The following CRB1 variants were observed in gnomAD, a reference collection of about 807,000 sequenced individuals.
The protein encoded by CRB1 is protein crumbs homolog 1.
Under a neutral mutation model 120.0 loss-of-function variants are expected in CRB1, and 83 were observed. The observed-to-expected ratio is 0.69, with a 90% CI of 0.58 to 0.83. The LOEUF (loss-of-function observed/expected upper bound fraction) is 0.83. Ranked by LOEUF, CRB1 falls within the 40% of genes least tolerant of loss-of-function variation. The pLI, the probability that CRB1 is intolerant of heterozygous loss-of-function variation, is 0.00. For missense variants in CRB1, 1,699 were observed against 1,687.6 expected, an observed-to-expected ratio of 1.01 and a Z score of -0.12; for synonymous variants, 625 against 612.5, an observed-to-expected ratio of 1.02 and a Z score of -0.30.
At chr1:197,450,784 C>CAAAAAAAAAAA (rs71131758) in intron 11 of CRB1, among the ~76,000 whole-genome samples, 3 of 59,624 alleles carry the variant, frequency 5.0e-5, no homozygotes, top group African/African-American at 8.5e-5. Flanking sequence ...ACTAAAAATA[C>CAAAAAAAAAAA]AAAAAAAAAA....
At position 197,328,959 on chromosome 1, in the gene CRB1, A is replaced by T. The variant is rs751375346; in HGVS notation, c.608A>T (p.Asn203Ile). 2 of 1,614,010 alleles carry T rather than the reference A, an allele frequency of 1.2e-6. No individual in the cohort carries two copies. Among genetic ancestry groups the T allele is most frequent in the South Asian group, 1.1e-5 (1 of 91,090 alleles). Residue 203 changes from asparagine to isoleucine, a missense_variant, in exon 2 of 12, where the codon AAT (asparagine) becomes ATT (isoleucine). Asn to Ile is a moderately radical substitution (Grantham distance 149). Coordinates refer to ENST00000367400, the MANE Select transcript of CRB1 (RefSeq NM_201253.3). ...DPCKNEATCL[N>I]EIGRYTCICP... ...TGCAAGAACGAGGCTACATGCCTCA[A>T]TGAAATAGGAAGATATACTTGTATC...
At chr1:197,365,773 C>T (rs1661039488) in intron 5 of CRB1, among the ~76,000 whole-genome samples, 22 of 151,898 alleles carry the variant, frequency 1.4e-4, no homozygotes, top group Admixed American at 6.6e-5. Flanking sequence ...CTGTTGCTGA[C>T]CGGGGATCAG....
upstream of CRB1, among the ~76,000 whole-genome samples, chr1:197,267,880 A>G (rs960781371): frequency 6.6e-6 from 1 of 152,158 alleles, no homozygotes. Context: ...GTCTTGGCCC[A>G]ACTTACAAAC....
intron 11 of CRB1, among the ~76,000 whole-genome samples, chr1:197,452,947 G>C (rs1248997905): frequency 6.6e-6 from 1 of 152,012 alleles, no homozygotes; most frequent in Non-Finnish European, 1.5e-5. Flanking sequence ...ATTCATTTCA[G>C]CATTATTCAT....
chr1:197,282,568 G>A (rs1458190520), intron 1 of CRB1, among the ~76,000 whole-genome samples: 2 of 151,834 alleles, frequency 1.3e-5, no homozygotes, highest in African/African-American at 4.8e-5. Flanking sequence ...AACATAAATT[G>A]TGTTGCTTTG....
the CRB1 span, among the ~76,000 whole-genome samples, chr1:197,257,655 A>G: frequency 6.6e-6 from 1 of 152,184 alleles, no homozygotes; most frequent in Admixed American, 6.6e-5. Flanking sequence ...CACTGTCTGA[A>G]TTCAACCCCA....
At chr1:197,471,371 T>C (rs1173555791) in intron 11 of CRB1, among the ~76,000 whole-genome samples, 2 of 152,182 alleles carry the variant, frequency 1.3e-5, no homozygotes, top group African/African-American at 4.8e-5. Context: ...TAGCTCACCA[T>C]TGTTCTGTTC....
At chr1:197,343,144 GTGT>G (rs1219856358) in intron 2 of CRB1, among the ~76,000 whole-genome samples, 1 of 152,122 alleles carries the variant, frequency 6.6e-6, no homozygotes, top group African/African-American at 2.4e-5. Flanking sequence ...ATAATAGATG[GTGT>G]TAGAATATCC....
chr1:197,236,366 A>C, the CRB1 span, among the ~76,000 whole-genome samples: 1 of 151,606 alleles, frequency 6.6e-6, no homozygotes, highest in African/African-American at 2.4e-5. Flanking sequence ...TGCTCAGCTA[A>C]TTTTTTGTAT....
intron 5 of CRB1, among the ~76,000 whole-genome samples, chr1:197,419,021 A>G (rs982045157): frequency 1.3e-5 from 2 of 152,234 alleles, no homozygotes; most frequent in Non-Finnish European, 2.9e-5. Context: ...AGTATTGGCC[A>G]AAACTTATTG....
Position 197,290,265 on chromosome 1 carries a change from CGTGTGTGTGTGT to C in CRB1, c.70+21812_70+21823del, listed in dbSNP as rs10540136. On this transcript the variant is annotated intron_variant, in intron 1 of 11. Coordinates refer to ENST00000367400, the MANE Select transcript of CRB1 (RefSeq NM_201253.3). ...AAAATCAGTTTTTTATGTTCCCTTT[CGTGTGTGTGTGT>C]GTGTGTGTGTGTGTGTGTGTGTGTG... is the stretch of plus-strand genomic sequence containing the variant. Among the ~76,000 whole-genome samples the C allele has an allele frequency of 6.8e-4, 93 of 136,982 alleles. 1 individual carries two copies. The highest frequency in any genetic ancestry group is 8.0e-4 in the African/African-American group (29 of 36,278). The allele number at this position is 136,982 out of a possible 152,430, so 89.9% of individuals were successfully genotyped here. A position where few individuals can be genotyped will look rare whatever the true frequency, so the allele number is the denominator to read the frequency against.
At chr1:197,426,135 A>G (rs1321531775) in intron 6 of CRB1, among the ~76,000 whole-genome samples, 2 of 151,954 alleles carry the variant, frequency 1.3e-5, no homozygotes, top group Non-Finnish European at 2.9e-5. Context: ...CCATGCTTCC[A>G]GTTGCTTAGG....
chr1:197,233,135 A>C, the CRB1 span, among the ~76,000 whole-genome samples: 1 of 152,164 alleles, frequency 6.6e-6, no homozygotes, highest in Non-Finnish European at 1.5e-5. Context: ...TGGCCAAGAT[A>C]GTAAATCAAA....
At chr1:197,391,365 G>A (rs575428862) in intron 5 of CRB1, among the ~76,000 whole-genome samples, 4 of 152,222 alleles carry the variant, frequency 2.6e-5, no homozygotes, top group African/African-American at 9.6e-5. Flanking sequence ...AGAGTCTATA[G>A]CTAGACAGAG....
chr1:197,385,850 A>G (rs1044127864), intron 5 of CRB1, among the ~76,000 whole-genome samples: 2 of 152,098 alleles, frequency 1.3e-5, no homozygotes, highest in Admixed American at 1.3e-4. Context: ...GATAGAGAAC[A>G]GTTCAGAGCT....
chr1:197,300,763 A>G (rs919909831), intron 1 of CRB1, among the ~76,000 whole-genome samples: 1 of 152,200 alleles, frequency 6.6e-6, no homozygotes, highest in Non-Finnish European at 1.5e-5. Flanking sequence ...TAGGACTTTC[A>G]TAGCTAGAAA....
chr1:197,461,540 T>C (rs965675078), intron 11 of CRB1, among the ~76,000 whole-genome samples: 2 of 152,166 alleles, frequency 1.3e-5, no homozygotes, highest in African/African-American at 4.8e-5. Flanking sequence ...AAGAGTAGGC[T>C]GCATCCTGTG....
chr1:197,405,551 G>A (rs1663318478), intron 5 of CRB1, among the ~76,000 whole-genome samples: 1 of 152,064 alleles, frequency 6.6e-6, no homozygotes, highest in Non-Finnish European at 1.5e-5. Context: ...TCTGGGACGT[G>A]AGGAACCCCT....
At chr1:197,382,828 G>A (rs1229009383) in intron 5 of CRB1, among the ~76,000 whole-genome samples, 1 of 152,148 alleles carries the variant, frequency 6.6e-6, no homozygotes, top group East Asian at 1.9e-4. Context: ...CCTTTGCACA[G>A]TTTACAGTCT....
Sources: gnomAD v4.1 joint callset for allele counts (sites outside exome capture counted in the v4.1 genomes callset) on GRCh38, gnomAD v4.1.1 for gene constraint, MANE v1.5 for transcripts, NCBI Gene and HGNC (gene_info 2026-07-23, HGNC 2026-07-21) for gene names.